The following PCDH15 variants were observed in gnomAD, a reference collection of about 807,000 sequenced individuals.
PCDH15 encodes protocadherin related 15, also known as protocadherin-15.
A neutral mutation model predicts 178.5 loss-of-function variants in PCDH15; 129 were observed. The observed-to-expected ratio is 0.72, with a 90% CI of 0.63 to 0.84. The LOEUF (loss-of-function observed/expected upper bound fraction) is 0.84. Ranked by LOEUF, PCDH15 falls within the 40% of genes least tolerant of loss-of-function variation. The pLI is 0.00. For synonymous variants in PCDH15, 800 were observed against 732.0 expected (o/e 1.09, Z -1.50); for missense variants, 2,230 against 2,099.9 (o/e 1.06, Z -1.21).
chr10:55,224,678 A>C (rs1840977180), intron 1 of PCDH15, among the ~76,000 whole-genome samples: 1 of 152,102 alleles, frequency 6.6e-6, no homozygotes. Context: ...ATAAATACTC[A>C]CTGAATGAAT....
chr10:55,100,389 T>C (rs935596512), intron 2 of PCDH15, among the ~76,000 whole-genome samples: 2 of 152,196 alleles, frequency 1.3e-5, no homozygotes, highest in Non-Finnish European at 2.9e-5. Flanking sequence ...TTTATTTAGT[T>C]AGCACCGTAC....
At chr10:54,989,271 G>A (rs1420650999) in intron 2 of PCDH15, among the ~76,000 whole-genome samples, 1 of 152,152 alleles carries the variant, frequency 6.6e-6, no homozygotes, top group Non-Finnish European at 1.5e-5. Context: ...GATATGTGGG[G>A]TCAGAGCCCC....
At chr10:53,884,051 A>ACAAAG (rs1462221729) in intron 26 of PCDH15, among the ~76,000 whole-genome samples, 2 of 152,168 alleles carry the variant, frequency 1.3e-5, no homozygotes, top group East Asian at 3.9e-4. Flanking sequence ...ACAAAACAAA[A>ACAAAG]CAAACTGGTT....
chr10:54,650,764 C>A (rs1304038841), intron 2 of PCDH15, among the ~76,000 whole-genome samples: 1 of 152,042 alleles, frequency 6.6e-6, no homozygotes, highest in Non-Finnish European at 1.5e-5. Flanking sequence ...TTTCCCCTTA[C>A]AAAACCATCA....
intron 2 of PCDH15, among the ~76,000 whole-genome samples, chr10:55,336,356 G>T (rs1844395692): frequency 6.6e-6 from 1 of 151,892 alleles, no homozygotes; most frequent in African/African-American, 2.4e-5. Flanking sequence ...AAATTACCTG[G>T]GCATGGTGGT....
intron 8 of PCDH15, among the ~76,000 whole-genome samples, chr10:54,314,271 A>G (rs2061095932): frequency 6.6e-6 from 1 of 152,138 alleles, no homozygotes; most frequent in Non-Finnish European, 1.5e-5. Context: ...CTTTCCGAAT[A>G]GAAATTTTCG....
chr10:54,668,082 A>T (rs1392783423), intron 1 of PCDH15, among the ~76,000 whole-genome samples: 1 of 152,078 alleles, frequency 6.6e-6, no homozygotes, highest in African/African-American at 2.4e-5. Flanking sequence ...TGCAAGATAA[A>T]TCTCATATTT....
chr10:55,363,518 G>A (rs1016226664), intron 2 of PCDH15, among the ~76,000 whole-genome samples: 3 of 152,118 alleles, frequency 2.0e-5, no homozygotes, highest in Admixed American at 2.0e-4. Flanking sequence ...TAAGAACACT[G>A]ACCCACTATC....
intron 15 of PCDH15, among the ~76,000 whole-genome samples, chr10:54,097,665 T>C (rs1465914337): frequency 6.6e-6 from 1 of 152,216 alleles, no homozygotes; most frequent in Non-Finnish European, 1.5e-5. Flanking sequence ...CATTTTTAGT[T>C]GTGACACCAT....
intron 26 of PCDH15, among the ~76,000 whole-genome samples, chr10:53,901,901 T>C (rs1288367165): frequency 6.6e-6 from 1 of 152,208 alleles, no homozygotes; most frequent in Non-Finnish European, 1.5e-5. Context: ...TTTGTTTCCT[T>C]AGAATTTATC....
chr10:54,093,136 A>C (rs2094629821), intron 15 of PCDH15, among the ~76,000 whole-genome samples: 1 of 152,062 alleles, frequency 6.6e-6, no homozygotes, highest in African/African-American at 2.4e-5. Flanking sequence ...GTAGCTTGAA[A>C]TATTTCTTCA....
chr10:53,938,349 T>G (rs138968783), intron 25 of PCDH15, among the ~76,000 whole-genome samples: 1,818 of 152,240 alleles, frequency 0.012, 34 homozygotes, highest in African/African-American at 0.038. Flanking sequence ...AAGTGTAAAT[T>G]AAAAATGAAA....
At chr10:54,484,704 A>G (rs1215055098) in intron 3 of PCDH15, among the ~76,000 whole-genome samples, 2 of 151,918 alleles carry the variant, frequency 1.3e-5, no homozygotes, top group Non-Finnish European at 2.9e-5. Context: ...TAAAATCAAT[A>G]AAAAAGTATA....
rs748124043 is a variant in PCDH15, at chr10:53,822,321, G to A, written c.4368-2091C>T. 28 of 1,603,680 alleles carry A rather than the reference G, an allele frequency of 1.7e-5. No individual in the cohort carries two copies. The highest frequency in any genetic ancestry group is 7.7e-5 in the South Asian group (7 of 90,334). On this transcript the variant is annotated intron_variant, in intron 32 of 37. Transcript: ENST00000644397. ...AAGAGGTGGTGTTGGGGGACCAGACGTTGAAACGGAAAGTGGAAAAAATGT... is the reference window on the plus strand; with the variant it reads ...AAGAGGTGGTGTTGGGGGACCAGACATTGAAACGGAAAGTGGAAAAAATGT...
rs564739276 is a variant in PCDH15, at chr10:55,003,673, C to A, written c.-79-106173G>T. Among the ~76,000 whole-genome samples the A allele has an allele frequency of 2.8e-4, 43 of 152,248 alleles. No homozygotes were observed. The South Asian group carries it at 8.9e-3, about 32-fold the overall frequency. Reference sequence around the variant, plus strand: ...TTATAATAGGACACAATTGTAGGAACTGATTATTTTCTCAGGGCTTTCACT... The same window carrying A: ...TTATAATAGGACACAATTGTAGGAAATGATTATTTTCTCAGGGCTTTCACT... On this transcript the variant is annotated intron_variant, in intron 2 of 5. Coordinates refer to the PCDH15 transcript ENST00000458638.
In PCDH15 at chr10:54,853,513, A is replaced by G. The variant is rs552977710; in HGVS notation, c.-29+43937T>C. ...TAACTGCTCCCATTGTTGAATAAAA[A>G]TGCCATGTTGAGTTTGTAGAAGAAA... is the stretch of plus-strand genomic sequence containing the variant. On this transcript the variant is annotated intron_variant, in intron 3 of 5. Coordinates refer to the PCDH15 transcript ENST00000458638. Among the ~76,000 whole-genome samples, 80 of 149,758 alleles carry G rather than the reference A, an allele frequency of 5.3e-4. 1 individual carries two copies. Among genetic ancestry groups the G allele is most frequent in the Non-Finnish European group, 1.1e-3 (72 of 67,594 alleles).
At chr10:54,168,224 C>T (rs1466167329) in intron 13 of PCDH15, among the ~76,000 whole-genome samples, 14 of 152,072 alleles carry the variant, frequency 9.2e-5, no homozygotes, top group African/African-American at 3.4e-4. Context: ...TAATTCTTGT[C>T]GTAAAATAGG....
At chr10:54,185,407 A>G (rs1315677183) in intron 11 of PCDH15, 139 bp from the exon 12 acceptor site, 3 of 967,730 alleles carry the variant, frequency 3.1e-6, no homozygotes, top group Middle Eastern at 3.0e-4. Context: ...AAAGATATTT[A>G]ACTAGATATT....
intron 11 of PCDH15, among the ~76,000 whole-genome samples, chr10:54,195,300 C>T (rs2049494077): frequency 6.6e-6 from 1 of 152,120 alleles, no homozygotes; most frequent in African/African-American, 2.4e-5. Flanking sequence ...AGAAAAGTCT[C>T]TGAGAATCAC....
Sources: allele counts gnomAD v4.1 joint callset (sites outside exome capture counted in the v4.1 genomes callset), GRCh38; gene constraint gnomAD v4.1.1; transcripts MANE v1.5; gene names NCBI Gene and HGNC (gene_info 2026-07-23, HGNC 2026-07-21).